The following FBXO4 variants were observed in gnomAD, a reference collection of about 807,000 sequenced individuals.
The protein encoded by FBXO4 is F-box only protein 4.
In FBXO4, 36 loss-of-function variants were observed where a neutral mutation model predicts 43.7. The observed-to-expected ratio is 0.82, with a 90% CI of 0.63 to 1.09. The LOEUF is 1.09. Among genes scored for constraint, FBXO4 ranks in the 50% least tolerant of loss-of-function variants. FBXO4 has a pLI of 0.00. For synonymous variants in FBXO4, 180 were observed against 165.6 expected, an observed-to-expected ratio of 1.09 and a Z score of -0.67; for missense variants, 435 against 474.1, an observed-to-expected ratio of 0.92 and a Z score of 0.77.
chr5:42,034,701 CTG>C, the FBXO4 span, among the ~76,000 whole-genome samples: 1 of 152,092 alleles, frequency 6.6e-6, no homozygotes, highest in Non-Finnish European at 1.5e-5. Context: ...TCTGACATCT[CTG>C]TTCTGTTCTA....
chr5:42,010,301 C>T, the FBXO4 span, among the ~76,000 whole-genome samples: 1 of 151,994 alleles, frequency 6.6e-6, no homozygotes, highest in African/African-American at 2.4e-5. Context: ...AGTACAAGAC[C>T]AGCCTGGTCA....
At chr5:41,974,596 A>T in the FBXO4 span, among the ~76,000 whole-genome samples, 1 of 151,926 alleles carries the variant, frequency 6.6e-6, no homozygotes, top group South Asian at 2.1e-4. Context: ...TTTGTTTCTA[A>T]CATTTCCATT....
the FBXO4 span, among the ~76,000 whole-genome samples, chr5:42,034,309 A>G: frequency 3.2e-4 from 48 of 152,202 alleles, no homozygotes; most frequent in East Asian, 8.7e-3. Flanking sequence ...CCCATTCTGT[A>G]GGCTGCCTGT....
the FBXO4 span, among the ~76,000 whole-genome samples, chr5:41,976,233 C>T: frequency 6.6e-6 from 1 of 152,134 alleles, no homozygotes; most frequent in African/African-American, 2.4e-5. Flanking sequence ...CATCCCCTGA[C>T]CCACCAAATC....
At chr5:41,990,644 T>C in the FBXO4 span, among the ~76,000 whole-genome samples, 1 of 152,228 alleles carries the variant, frequency 6.6e-6, no homozygotes, top group African/African-American at 2.4e-5. Flanking sequence ...TTATTATCAT[T>C]TTGGACAGCA....
At chr5:41,968,534 G>C in the FBXO4 span, among the ~76,000 whole-genome samples, 1 of 152,196 alleles carries the variant, frequency 6.6e-6, no homozygotes, top group Non-Finnish European at 1.5e-5. Flanking sequence ...CTCCCAGCAG[G>C]GGGCAACACG....
chr5:41,942,332 T>A (rs1426778900), downstream of FBXO4, among the ~76,000 whole-genome samples: 1 of 152,082 alleles, frequency 6.6e-6, no homozygotes, highest in Admixed American at 6.5e-5. Context: ...GCATTATTAA[T>A]ATTTCTAATA....
chr5:41,948,189 G>A, the FBXO4 span, among the ~76,000 whole-genome samples: 500 of 148,032 alleles, frequency 3.4e-3, 2 homozygotes, highest in African/African-American at 0.012. Context: ...AGGCTGGAGT[G>A]CAGTGGCGCA....
the FBXO4 span, among the ~76,000 whole-genome samples, chr5:41,961,279 G>T: frequency 1.3e-5 from 2 of 152,202 alleles, no homozygotes; most frequent in Admixed American, 1.3e-4. Context: ...GGCTGCTAAG[G>T]TCCTCCCAAT....
chr5:41,963,887 G>T, the FBXO4 span: 1 of 152,162 alleles, frequency 6.6e-6, no homozygotes, highest in Admixed American at 6.5e-5. Flanking sequence ...GTCAACTGAA[G>T]CAGTGAGTGT....
chr5:42,010,447 G>A, the FBXO4 span, among the ~76,000 whole-genome samples: 4 of 151,506 alleles, frequency 2.6e-5, no homozygotes, highest in Non-Finnish European at 5.9e-5. Context: ...AGCAGAGGTT[G>A]TAGTGAGCTG....
the FBXO4 span, among the ~76,000 whole-genome samples, chr5:42,028,195 T>C: frequency 0.016 from 2,426 of 151,970 alleles, 120 homozygotes; most frequent in East Asian, 0.1. Flanking sequence ...TTATACATGT[T>C]GGTGCTCAAG....
Position 41,927,034 on chromosome 5 carries a change from T to C in FBXO4, c.211T>C (p.Leu71=), listed in dbSNP as rs1751527332. The part of the protein sequence containing the change: ...RLPIDVQLYI[L]SFLSPHDLCQ... ...TCAGATTGATGTACAGCTATATATTTTGTCCTTTCTTTCACCTCATGATCT... is the reference window on the plus strand; with the variant it reads ...TCAGATTGATGTACAGCTATATATTCTGTCCTTTCTTTCACCTCATGATCT... Residue 71 remains leucine (L), a synonymous_variant, in exon 2 of 7, where the codon TTG becomes CTG. Coordinates refer to ENST00000281623, the MANE Select transcript of FBXO4 (RefSeq NM_012176.3). 6.2e-7 allele frequency: 1 copy of C among 1,610,554 alleles called. No individual in the cohort carries two copies. The highest frequency in any genetic ancestry group is 8.5e-7 in the Non-Finnish European group (1 of 1,178,522).
chr5:41,939,663 A>G (rs759040665), intron 6 of FBXO4, 47 bp downstream of exon 6: 3 of 1,433,702 alleles, frequency 2.1e-6, no homozygotes, highest in East Asian at 2.3e-5. Context: ...TTTGCACTCT[A>G]TTTTCTATTT....
At chr5:41,941,148 G>C (rs778334720) in intron 6 of FBXO4, 44 bp from the exon 7 acceptor site, 1 of 1,502,110 alleles carries the variant, frequency 6.7e-7, no homozygotes, top group Non-Finnish European at 9.2e-7. Flanking sequence ...TAAGATTTTG[G>C]ACTTAGTTTC....
chr5:41,933,693 G>T (rs1426309303), intron 3 of FBXO4, among the ~76,000 whole-genome samples: 1 of 152,142 alleles, frequency 6.6e-6, no homozygotes, highest in Non-Finnish European at 1.5e-5. Flanking sequence ...TAAAGTTGTT[G>T]ATGATAGTGA....
At chr5:41,994,187 C>A in the FBXO4 span, among the ~76,000 whole-genome samples, 3 of 151,974 alleles carry the variant, frequency 2.0e-5, no homozygotes, top group Non-Finnish European at 4.4e-5. Context: ...TGCACCAATC[C>A]CCAAACAAAA....
At chr5:41,942,354 TTATGA>T (rs1752019004), downstream of FBXO4, among the ~76,000 whole-genome samples, 1 of 152,186 alleles carries the variant, frequency 6.6e-6, no homozygotes, top group Admixed American at 6.5e-5. Flanking sequence ...TAATCCAAAG[TTATGA>T]TAGAAGAGTG....
the FBXO4 span, among the ~76,000 whole-genome samples, chr5:41,997,703 A>G: frequency 6.6e-6 from 1 of 152,202 alleles, no homozygotes; most frequent in African/African-American, 2.4e-5. Context: ...GTCTCCTGGA[A>G]TGAATGTCAG....
Sources: allele counts gnomAD v4.1 joint callset (sites outside exome capture counted in the v4.1 genomes callset), GRCh38; gene constraint gnomAD v4.1.1; transcripts MANE v1.5; gene names NCBI Gene and HGNC (gene_info 2026-07-23, HGNC 2026-07-21).